Variants in MERTK observed in about 807,000 individuals in gnomAD.
MERTK encodes tyrosine-protein kinase Mer.
MERTK carries 69 observed loss-of-function variants against 99.3 expected under a neutral mutation model. That is an observed-to-expected ratio of 0.70 (90% CI 0.57 to 0.85). MERTK has a LOEUF of 0.85. Ranked by LOEUF, MERTK falls within the 40% of genes least tolerant of loss-of-function variation. The pLI is 0.00. For missense variants in MERTK, 1,125 were observed against 1,249.4 expected (o/e 0.90, Z 1.50); for synonymous variants, 426 against 467.6 (o/e 0.91, Z 1.15).
intron 9 of MERTK, chr2:111,995,615 A>G (rs1202218758): frequency 5.3e-6 from 1 of 188,188 alleles, no homozygotes; most frequent in Non-Finnish European, 1.1e-5. Flanking sequence ...GTAACTGGTG[A>G]TGGGGAGGCA....
intron 1 of MERTK, among the ~76,000 whole-genome samples, chr2:111,913,704 G>A (rs1573565674): frequency 6.6e-6 from 1 of 151,988 alleles, no homozygotes; most frequent in African/African-American, 2.4e-5. Context: ...CCACCACCAT[G>A]CCTGGCTAAT....
rs533214327 is a variant in MERTK at position 111,997,697 on chromosome 2, A to C, written c.1604+221A>C. Among the ~76,000 whole-genome samples the C allele has an allele frequency of 2.0e-5, 3 of 152,334 alleles. No homozygotes were observed. In the East Asian group the frequency reaches 5.8e-4, roughly 29 times the overall value. On this transcript the variant is annotated intron_variant, in intron 10 of 18. Transcript: ENST00000295408. ...TGAAAAGGGTTCCTTTACAGAGAAG[A>C]GTATCAGTAGGCCTTTGCTACTCAA...
At chr2:111,922,071 G>A (rs1041789479) in intron 1 of MERTK, among the ~76,000 whole-genome samples, 1 of 152,150 alleles carries the variant, frequency 6.6e-6, no homozygotes, top group African/African-American at 2.4e-5. Flanking sequence ...CATAAAGCAG[G>A]CTGATGGCAC....
rs546876979 is a variant in MERTK at position 111,901,624 on chromosome 2, C to T, written c.61+2828C>T. On this transcript the variant is annotated intron_variant, in intron 1 of 18. Transcript: ENST00000295408. ...AGGCTAGAGTGCAGTGGCACCATCA[C>T]GGCTCACTGCAACCTCAACCTTCCG... Among the ~76,000 whole-genome samples the T allele has an allele frequency of 2.8e-4, 42 of 148,108 alleles. No individual in the cohort carries two copies. In the South Asian group the frequency reaches 3.4e-3, roughly 12 times the overall value.
At chr2:111,967,663 C>G (rs867824302) in intron 5 of MERTK, among the ~76,000 whole-genome samples, 6 of 152,138 alleles carry the variant, frequency 3.9e-5, no homozygotes, top group Non-Finnish European at 7.3e-5. Flanking sequence ...CATGCGTGCA[C>G]ACACTCTCCT....
intron 1 of MERTK, among the ~76,000 whole-genome samples, chr2:111,921,792 T>C (rs893036553): frequency 1.3e-5 from 2 of 152,122 alleles, no homozygotes; most frequent in African/African-American, 4.8e-5. Context: ...CTTGTCTCAC[T>C]CTGTTGCCCA....
chr2:111,957,247 C>T (rs192225704), intron 4 of MERTK, among the ~76,000 whole-genome samples: 14 of 152,240 alleles, frequency 9.2e-5, no homozygotes, highest in African/African-American at 3.1e-4. Context: ...GGTCTATTCT[C>T]CATGTGGCCG....
chr2:112,016,920 T>C (rs1390003045), intron 15 of MERTK, among the ~76,000 whole-genome samples: 1 of 152,178 alleles, frequency 6.6e-6, no homozygotes, highest in East Asian at 1.9e-4. Flanking sequence ...GGGTTCTTGG[T>C]CTCGCTGACT....
intron 15 of MERTK, among the ~76,000 whole-genome samples, chr2:112,019,138 T>G (rs1166192697): frequency 6.6e-6 from 1 of 152,168 alleles, no homozygotes; most frequent in African/African-American, 2.4e-5. Context: ...ACGTTTGACC[T>G]CATACCTTCT....
At chr2:111,901,885 T>C (rs1395940761) in intron 1 of MERTK, among the ~76,000 whole-genome samples, 1 of 151,378 alleles carries the variant, frequency 6.6e-6, no homozygotes, top group African/African-American at 2.4e-5. Context: ...TAACAATAAT[T>C]ATGTTTTTTT....
In MERTK at chr2:111,997,374, C is replaced by T; in HGVS notation, c.1502C>T (p.Pro501Leu). The T allele has an allele frequency of 6.2e-7, 1 of 1,614,180 alleles. No individual in the cohort carries two copies. The highest frequency in any genetic ancestry group is 1.1e-5 in the South Asian group (1 of 91,078). ...SSTPAPGNAD[P>L]VLIIFGCFCG... ...ACTCCGGCGCCTGGCAACGCAGATC[C>T]TGTGCTCATCATCTTTGGCTGCTTT... The change falls in exon 10 of 19, where the codon CCT (proline) becomes CTT (leucine). Residue 501 changes from proline to leucine, a missense_variant. By Grantham distance (98) the Pro-to-Leu change is moderately conservative. Transcript: ENST00000295408.
intron 10 of MERTK, among the ~76,000 whole-genome samples, chr2:111,998,074 T>G (rs1676790106): frequency 6.6e-6 from 1 of 152,142 alleles, no homozygotes; most frequent in Non-Finnish European, 1.5e-5. Context: ...TTGCTCCACC[T>G]TCAGAATGCT....
At chr2:111,954,413 C>G (rs1011964185) in intron 4 of MERTK, among the ~76,000 whole-genome samples, 13 of 152,186 alleles carry the variant, frequency 8.5e-5, no homozygotes, top group African/African-American at 2.9e-4. Context: ...AGAACAAACC[C>G]TCTATCTATT....
chr2:111,916,005 T>G (rs186133717), intron 1 of MERTK, among the ~76,000 whole-genome samples: 1 of 152,220 alleles, frequency 6.6e-6, no homozygotes, highest in Non-Finnish European at 1.5e-5. Flanking sequence ...ATAGACTATA[T>G]GATTTCAGTT....
intron 3 of MERTK, among the ~76,000 whole-genome samples, chr2:111,945,776 A>G (rs1356164383): frequency 1.3e-5 from 2 of 152,198 alleles, no homozygotes; most frequent in Non-Finnish European, 2.9e-5. Context: ...TGGTTCTGCA[A>G]TGGCAGTGCT....
intron 9 of MERTK, chr2:111,994,628 A>T: frequency 1.7e-6 from 1 of 575,230 alleles, no homozygotes; most frequent in South Asian, 1.6e-5. Context: ...GTATTTTTAA[A>T]ATTTGCTGGG....
At chr2:112,021,145 A>G (rs1372313608) in intron 16 of MERTK, among the ~76,000 whole-genome samples, 1 of 151,810 alleles carries the variant, frequency 6.6e-6, no homozygotes, top group Non-Finnish European at 1.5e-5. Context: ...GTTTGCTGTG[A>G]GCCGAGATCA....
intron 4 of MERTK, among the ~76,000 whole-genome samples, chr2:111,954,656 A>T (rs974788457): frequency 6.6e-6 from 1 of 152,222 alleles, no homozygotes; most frequent in Non-Finnish European, 1.5e-5. Context: ...TTATTTTTAC[A>T]TTTAAACTCT....
At chr2:112,006,186 G>A (rs1192648875) in intron 13 of MERTK, among the ~76,000 whole-genome samples, 1 of 152,040 alleles carries the variant, frequency 6.6e-6, no homozygotes, top group Non-Finnish European at 1.5e-5. Flanking sequence ...CTGGCCTGGA[G>A]GCTGAAGCTT....
Sources: allele counts gnomAD v4.1 joint callset (sites outside exome capture counted in the v4.1 genomes callset), GRCh38; gene constraint gnomAD v4.1.1; transcripts MANE v1.5; gene names NCBI Gene and HGNC (gene_info 2026-07-23, HGNC 2026-07-21).